The following ZNF366 variants were observed in gnomAD, a reference collection of about 807,000 sequenced individuals.
ZNF366 encodes zinc finger protein 366, also known as dendritic cell-specific transcript protein.
ZNF366 carries 20 observed loss-of-function variants against 47.2 expected under a neutral mutation model. That is an observed-to-expected ratio of 0.42 (90% CI 0.30 to 0.62). The LOEUF (loss-of-function observed/expected upper bound fraction) is 0.62, where lower values mean the gene tolerates loss of function less well. Among genes scored for constraint, ZNF366 ranks in the 20% least tolerant of loss-of-function variants. ZNF366 has a pLI of 0.16. For missense variants in ZNF366, 987 were observed against 976.3 expected (o/e 1.01, Z -0.15); for synonymous variants, 421 against 395.1 (o/e 1.07, Z -0.78).
chr5:72,473,406 A>G (rs1743609552), intron 1 of ZNF366, among the ~76,000 whole-genome samples: 1 of 152,214 alleles, frequency 6.6e-6, no homozygotes, highest in Non-Finnish European at 1.5e-5. Context: ...CACAATCCTT[A>G]TCTGATATAT....
intron 1 of ZNF366, among the ~76,000 whole-genome samples, chr5:72,479,730 C>T (rs1430011975): frequency 6.6e-6 from 1 of 152,266 alleles, no homozygotes; most frequent in Non-Finnish European, 1.5e-5. Context: ...GATGTTTAGA[C>T]AAAATACACA....
chr5:72,502,651 A>G (rs1744230892), intron 1 of ZNF366, among the ~76,000 whole-genome samples: 1 of 152,238 alleles, frequency 6.6e-6, no homozygotes, highest in Non-Finnish European at 1.5e-5. Flanking sequence ...CAAGGATCTA[A>G]CTTGTAAAAT....
rs975962327 is a variant in ZNF366 at position 72,476,833 on chromosome 5, T to C, written c.-14-15323A>G. Reference sequence around the variant, plus strand: ...TGGGTTGGAGATACGGCTACCACCATAGGGATGGCTCTTCTAACCCACAAA... The same window carrying C: ...TGGGTTGGAGATACGGCTACCACCACAGGGATGGCTCTTCTAACCCACAAA... On this transcript the variant is annotated intron_variant, in intron 1 of 4. Coordinates refer to ENST00000318442, the MANE Select transcript of ZNF366 (RefSeq NM_152625.3). Among the ~76,000 whole-genome samples the C allele has an allele frequency of 2.6e-5, 4 of 152,110 alleles. No homozygotes were observed. The East Asian group carries it at 5.8e-4, about 22-fold the overall frequency.
intron 3 of ZNF366, among the ~76,000 whole-genome samples, chr5:72,453,696 A>C (rs754442484): frequency 6.6e-6 from 1 of 152,238 alleles, no homozygotes; most frequent in Non-Finnish European, 1.5e-5. Flanking sequence ...GAAGAAGGGC[A>C]ATGGTACAAA....
In ZNF366 at chr5:72,460,755, C is replaced by T. The variant is rs766772853; in HGVS notation, c.742G>A (p.Gly248Ser). The T allele has an allele frequency of 2.5e-6, 4 of 1,614,086 alleles. No homozygotes were observed. The highest frequency in any genetic ancestry group is 2.2e-5 in the South Asian group (2 of 91,082). Residue 248 changes from glycine to serine, a missense_variant, in exon 2 of 5, where the codon GGC becomes AGC. By Grantham distance (56) the Gly-to-Ser change is moderately conservative. Coordinates refer to ENST00000318442, the MANE Select transcript of ZNF366 (RefSeq NM_152625.3). ...GGGCACTGCCAGCGCTTCTGCGAGC[C>T]GCCCACGTCCACGTAGTAGCTGTCA... is the stretch of plus-strand genomic sequence containing the variant. ...IDDSYYVDVG[G>S]SQKRWQCPTC... is the part of the protein sequence containing the mutation.
chr5:72,468,002 G>C lies in ZNF366; in HGVS notation c.-14-6492C>G, dbSNP rs114592610. ...GGTTATCTTCTCTGTTCATACAAAAGATCTCCTAGTGAGGGTCCTCTGAAG... is the reference window on the plus strand; with the variant it reads ...GGTTATCTTCTCTGTTCATACAAAACATCTCCTAGTGAGGGTCCTCTGAAG... On this transcript the variant is annotated intron_variant, in intron 1 of 4. Coordinates refer to ENST00000318442, the MANE Select transcript of ZNF366 (RefSeq NM_152625.3). Among the ~76,000 whole-genome samples, 702 of 152,244 alleles carry C rather than the reference G, an allele frequency of 4.6e-3. 6 individuals are homozygous for C. Among genetic ancestry groups the C allele is most frequent in the African/African-American group, 0.017 (688 of 41,560 alleles).
Position 72,497,005 on chromosome 5 carries a change from TA to T in ZNF366, c.-15+10245del, listed in dbSNP as rs1744125361. 2.6e-5 allele frequency among the ~76,000 whole-genome samples: 4 copies of T among 152,314 alleles called. No homozygotes were observed. In the South Asian group the frequency reaches 8.3e-4, roughly 32 times the overall value. Reference sequence around the variant, plus strand: ...TCCCTTAAGAGTTTTAAAATATGTATAAAACAAGTCCTTTATCAGATATTCT... The same window carrying T: ...TCCCTTAAGAGTTTTAAAATATGTATAAACAAGTCCTTTATCAGATATTCT... On this transcript the variant is annotated intron_variant, in intron 1 of 4. Coordinates refer to ENST00000318442, the MANE Select transcript of ZNF366 (RefSeq NM_152625.3).
At chr5:72,467,170 C>T (rs952452143) in intron 1 of ZNF366, among the ~76,000 whole-genome samples, 22 of 152,222 alleles carry the variant, frequency 1.4e-4, no homozygotes, top group African/African-American at 4.6e-4. Flanking sequence ...TACGGTCAGA[C>T]ATTTTTCTAA....
chr5:72,504,433 A>C (rs929187153), intron 1 of ZNF366, among the ~76,000 whole-genome samples: 2 of 152,226 alleles, frequency 1.3e-5, no homozygotes, highest in Admixed American at 6.5e-5. Flanking sequence ...TCTAAGTTGA[A>C]AACTTTTATC....
chr5:72,473,611 C>T (rs1270838760), intron 1 of ZNF366, among the ~76,000 whole-genome samples: 43 of 152,186 alleles, frequency 2.8e-4, no homozygotes, highest in Non-Finnish European at 2.9e-5. Context: ...ATGTTCTTTT[C>T]ATTGACCCAT....
chr5:72,445,729 G>A (rs1051295491), intron 4 of ZNF366, among the ~76,000 whole-genome samples: 14 of 152,274 alleles, frequency 9.2e-5, no homozygotes, highest in Middle Eastern at 3.4e-3. Flanking sequence ...TATGTCTCCC[G>A]TCCTGATGAC....
At chr5:72,448,071 T>C (rs921146896) in intron 3 of ZNF366, among the ~76,000 whole-genome samples, 7 of 152,228 alleles carry the variant, frequency 4.6e-5, no homozygotes, top group African/African-American at 1.4e-4. Flanking sequence ...TGTATTCTTA[T>C]ATACAATGTA....
intron 1 of ZNF366, among the ~76,000 whole-genome samples, chr5:72,466,375 C>T (rs1277913526): frequency 2.6e-5 from 4 of 152,206 alleles, no homozygotes; most frequent in Non-Finnish European, 5.9e-5. Context: ...AAAGGCTGAT[C>T]TCATGAGCTA....
intron 1 of ZNF366, among the ~76,000 whole-genome samples, chr5:72,482,671 C>T (rs564282715): frequency 8.6e-5 from 13 of 151,748 alleles, no homozygotes; most frequent in Admixed American, 2.0e-4. Context: ...CCACAGGCTC[C>T]GGAGAGCTGT....
At chr5:72,450,362 G>A (rs933294083) in intron 3 of ZNF366, among the ~76,000 whole-genome samples, 12 of 152,124 alleles carry the variant, frequency 7.9e-5, no homozygotes, top group African/African-American at 2.4e-4. Context: ...AGGGGTGAGC[G>A]CCTGGTAAAA....
At chr5:72,499,401 G>A (rs530007065) in intron 1 of ZNF366, among the ~76,000 whole-genome samples, 19 of 151,870 alleles carry the variant, frequency 1.3e-4, no homozygotes, top group Non-Finnish European at 2.4e-4. Flanking sequence ...TTCTGGATAT[G>A]CCTGCCAGCA....
chr5:72,480,371 C>T (rs964196356), intron 1 of ZNF366, among the ~76,000 whole-genome samples: 16 of 152,064 alleles, frequency 1.1e-4, no homozygotes, highest in Non-Finnish European at 1.9e-4. Flanking sequence ...AGTGCTTTCC[C>T]GTAACTTATT....
intron 2 of ZNF366, among the ~76,000 whole-genome samples, chr5:72,458,762 T>C (rs1410485515): frequency 6.6e-6 from 1 of 152,250 alleles, no homozygotes; most frequent in East Asian, 1.9e-4. Context: ...ACCTGTCATA[T>C]AGCAAGTGTT....
chr5:72,499,373 G>T (rs182944930), intron 1 of ZNF366, among the ~76,000 whole-genome samples: 9 of 152,166 alleles, frequency 5.9e-5, no homozygotes, highest in Middle Eastern at 3.4e-3. Flanking sequence ...TCTCTGAAAA[G>T]CCAGGTAGGA....
Sources: allele counts gnomAD v4.1 joint callset (sites outside exome capture counted in the v4.1 genomes callset), GRCh38; gene constraint gnomAD v4.1.1; transcripts MANE v1.5; gene names NCBI Gene and HGNC (gene_info 2026-07-23, HGNC 2026-07-21).